Variants in SOX6 observed in about 807,000 individuals in gnomAD.
SOX6 encodes SRY-box transcription factor 6.
A neutral mutation model predicts 97.8 loss-of-function variants in SOX6; 11 were observed. That is an observed-to-expected ratio of 0.11 (90% confidence interval 0.07 to 0.19). The LOEUF (loss-of-function observed/expected upper bound fraction) is 0.19, where lower values mean the gene tolerates loss of function less well. SOX6 is among the 10% of genes least tolerant of loss of function. The pLI, the probability that SOX6 is intolerant of heterozygous loss-of-function variation, is 1.00. For synonymous variants in SOX6, 360 were observed against 371.4 expected, an observed-to-expected ratio of 0.97 and a Z score of 0.35; for missense variants, 810 against 1,039.5, an observed-to-expected ratio of 0.78 and a Z score of 3.04.
chr11:16,413,630 C>A (rs1858868096), intron 1 of SOX6, among the ~76,000 whole-genome samples: 1 of 149,468 alleles, frequency 6.7e-6, no homozygotes, highest in Admixed American at 6.7e-5. Flanking sequence ...AAGCGATTCT[C>A]CAGCCTCAGC....
At chr11:16,604,877 A>G (rs1035002343) in intron 4 of SOX6, among the ~76,000 whole-genome samples, 1 of 152,220 alleles carries the variant, frequency 6.6e-6, no homozygotes, top group Admixed American at 6.5e-5. Context: ...TCTGCTCCGA[A>G]CACACCAATT....
chr11:16,448,433 C>T (rs1327041938), intron 1 of SOX6, among the ~76,000 whole-genome samples: 1 of 151,964 alleles, frequency 6.6e-6, no homozygotes, highest in Non-Finnish European at 1.5e-5. Context: ...CATTACCCTC[C>T]TTTTATTCAA....
intron 5 of SOX6, among the ~76,000 whole-genome samples, chr11:16,184,747 A>G (rs1851426791): frequency 6.6e-6 from 1 of 152,124 alleles, no homozygotes; most frequent in South Asian, 2.1e-4. Context: ...TCCTTAGGAT[A>G]ATAGTGTTTA....
At chr11:16,616,244 A>G (rs1203168815) in intron 3 of SOX6, among the ~76,000 whole-genome samples, 1 of 152,104 alleles carries the variant, frequency 6.6e-6, no homozygotes, top group Non-Finnish European at 1.5e-5. Flanking sequence ...AATAAAAGAC[A>G]AAGAAGGAAC....
chr11:16,602,819 C>T (rs1382968907), intron 4 of SOX6, among the ~76,000 whole-genome samples: 2 of 152,064 alleles, frequency 1.3e-5, no homozygotes, highest in African/African-American at 4.8e-5. Flanking sequence ...GTCAGGAGTT[C>T]AACACCAGCC....
At chr11:16,415,929 T>C (rs1858916682) in intron 1 of SOX6, among the ~76,000 whole-genome samples, 1 of 152,206 alleles carries the variant, frequency 6.6e-6, no homozygotes, top group East Asian at 1.9e-4. Flanking sequence ...GGATTCTAGA[T>C]AGTCCTTTGA....
intron 3 of SOX6, among the ~76,000 whole-genome samples, chr11:16,287,995 C>A (rs1034249216): frequency 6.6e-6 from 1 of 152,120 alleles, no homozygotes; most frequent in African/African-American, 2.4e-5. Flanking sequence ...TTGAGCCAAA[C>A]TTCCTAGTAA....
At chr11:16,392,122 A>T (rs1858203354) in intron 1 of SOX6, among the ~76,000 whole-genome samples, 1 of 152,124 alleles carries the variant, frequency 6.6e-6, no homozygotes, top group South Asian at 2.1e-4. Context: ...AAAAGGGGAC[A>T]CTGTTACCCT....
At chr11:16,653,678 G>T (rs970657734) in intron 3 of SOX6, among the ~76,000 whole-genome samples, 3 of 152,142 alleles carry the variant, frequency 2.0e-5, no homozygotes, top group African/African-American at 7.2e-5. Flanking sequence ...AGTGTACACT[G>T]CTTGGGTGAT....
At chr11:16,033,827 G>A (rs957524862) in intron 12 of SOX6, among the ~76,000 whole-genome samples, 5 of 152,130 alleles carry the variant, frequency 3.3e-5, no homozygotes, top group Non-Finnish European at 7.4e-5. Flanking sequence ...AGCCGAGATC[G>A]TGCCATTGCA....
intron 6 of SOX6, among the ~76,000 whole-genome samples, chr11:16,148,586 A>C (rs1850376108): frequency 6.6e-6 from 1 of 152,140 alleles, no homozygotes; most frequent in African/African-American, 2.4e-5. Flanking sequence ...CTGCAGTCAG[A>C]AAACAAAAAA....
chr11:16,566,338 A>G (rs1176942162), intron 4 of SOX6, among the ~76,000 whole-genome samples: 2 of 152,172 alleles, frequency 1.3e-5, no homozygotes, highest in African/African-American at 2.4e-5. Context: ...AAGATACAAA[A>G]ACAATGCTAC....
At chr11:16,559,012 C>A (rs559091416) in intron 4 of SOX6, among the ~76,000 whole-genome samples, 116 of 152,038 alleles carry the variant, frequency 7.6e-4, no homozygotes, top group Non-Finnish European at 1.4e-3. Flanking sequence ...TAGAAAGTAA[C>A]AACAATTTTT....
At chr11:16,250,391 C>T (rs1853474217) in intron 3 of SOX6, among the ~76,000 whole-genome samples, 1 of 151,956 alleles carries the variant, frequency 6.6e-6, no homozygotes, top group Non-Finnish European at 1.5e-5. Context: ...GAAATTATAT[C>T]ACATATAAAT....
chr11:16,419,472 T>C (rs1397745569), intron 1 of SOX6, among the ~76,000 whole-genome samples: 2 of 151,768 alleles, frequency 1.3e-5, no homozygotes, highest in Non-Finnish European at 2.9e-5. Flanking sequence ...GAAAACAAAA[T>C]CAAGACCAAA....
chr11:16,207,851 T>C (rs764308365), intron 4 of SOX6, among the ~76,000 whole-genome samples: 26 of 152,078 alleles, frequency 1.7e-4, no homozygotes, highest in Non-Finnish European at 2.5e-4. Context: ...TCAACAGTGA[T>C]TGTCTGTGGG....
rs951733052 is a variant in SOX6 at position 16,290,573 on chromosome 11, G to A, written c.445+27873C>T. ...ACAAAGAAAAAACAGGACACAAAACGTGTTTTGTCATTTCTGACGAAGTTA... is the reference window on the plus strand; with the variant it reads ...ACAAAGAAAAAACAGGACACAAAACATGTTTTGTCATTTCTGACGAAGTTA... On this transcript the variant is annotated intron_variant, in intron 3 of 15. Transcript: ENST00000683767. Among the ~76,000 whole-genome samples the A allele has an allele frequency of 2.6e-5, 4 of 152,058 alleles. No homozygotes were observed. In the East Asian group the frequency reaches 5.8e-4, roughly 22 times the overall value.
chr11:16,388,156 T>C (rs534790414), intron 1 of SOX6, among the ~76,000 whole-genome samples: 46 of 152,282 alleles, frequency 3.0e-4, no homozygotes, highest in Non-Finnish European at 2.8e-4. Context: ...TTAATGGGTG[T>C]GGTCAACTGT....
intron 3 of SOX6, among the ~76,000 whole-genome samples, chr11:16,656,461 T>G (rs1259767259): frequency 6.6e-6 from 1 of 152,192 alleles, no homozygotes; most frequent in African/African-American, 2.4e-5. Context: ...AAACAGTATT[T>G]TAGCTTAACT....
Sources: gnomAD v4.1 joint callset for allele counts (sites outside exome capture counted in the v4.1 genomes callset) on GRCh38, gnomAD v4.1.1 for gene constraint, MANE v1.5 for transcripts, NCBI Gene and HGNC (gene_info 2026-07-23, HGNC 2026-07-21) for gene names.